The following MOB3B variants were observed in gnomAD, a reference collection of about 807,000 sequenced individuals.
MOB3B encodes MOB kinase activator 3B, also known as MOB kinase activator-like 2B.
MOB3B carries 7 observed loss-of-function variants against 18.7 expected under a neutral mutation model. That is an observed-to-expected ratio of 0.37 (90% confidence interval 0.21 to 0.70). MOB3B has a LOEUF of 0.70. MOB3B is among the 30% of genes least tolerant of loss of function. MOB3B has a pLI of 0.52. For synonymous variants in MOB3B, 111 were observed against 99.9 expected (o/e 1.11, Z -0.66); for missense variants, 253 against 281.3 (o/e 0.90, Z 0.72).
intron 2 of MOB3B, among the ~76,000 whole-genome samples, chr9:27,428,367 C>A (rs747396107): frequency 1.3e-5 from 2 of 152,248 alleles, no homozygotes; most frequent in South Asian, 2.1e-4. Flanking sequence ...CCAGGTAATG[C>A]TGATGCAAAT....
intron 2 of MOB3B, among the ~76,000 whole-genome samples, chr9:27,428,354 T>A (rs933669274): frequency 6.6e-6 from 1 of 152,162 alleles, no homozygotes; most frequent in Non-Finnish European, 1.5e-5. Context: ...TTTTAACAAT[T>A]TCCCAGGTAA....
At chr9:27,518,901 G>GAT (rs1280543778) in intron 1 of MOB3B, among the ~76,000 whole-genome samples, 1 of 152,192 alleles carries the variant, frequency 6.6e-6, no homozygotes, top group African/African-American at 2.4e-5. Flanking sequence ...AAGTGCCACA[G>GAT]ATACAAAACT....
At chr9:27,413,488 G>A (rs1363183254) in intron 2 of MOB3B, among the ~76,000 whole-genome samples, 3 of 152,190 alleles carry the variant, frequency 2.0e-5, no homozygotes, top group Non-Finnish European at 4.4e-5. Flanking sequence ...TTGCATTTTG[G>A]TTGCTGCACG....
intron 2 of MOB3B, among the ~76,000 whole-genome samples, chr9:27,446,467 G>A (rs936350568): frequency 1.3e-5 from 2 of 152,150 alleles, no homozygotes. Context: ...GCCAAGCAAC[G>A]CCAATCTCAT....
At chr9:27,524,662 G>C (rs940984004) in intron 1 of MOB3B, 4 of 1,614,032 alleles carry the variant, frequency 2.5e-6, no homozygotes, top group Non-Finnish European at 3.4e-6. Context: ...TGGAAAGAGA[G>C]ACACCTCAAA....
chr9:27,460,696 ACTC>A (rs1264059602), intron 1 of MOB3B, among the ~76,000 whole-genome samples: 1 of 151,820 alleles, frequency 6.6e-6, no homozygotes, highest in Non-Finnish European at 1.5e-5. Context: ...GAGGTGGAGG[ACTC>A]CTCCTGGCAG....
At chr9:27,410,564 T>C (rs1235154182) in intron 2 of MOB3B, among the ~76,000 whole-genome samples, 1 of 152,160 alleles carries the variant, frequency 6.6e-6, no homozygotes, top group Non-Finnish European at 1.5e-5. Context: ...TTTTGCATCT[T>C]TCTGGAGTTA....
intron 1 of MOB3B, among the ~76,000 whole-genome samples, chr9:27,515,510 T>A (rs1820218534): frequency 6.6e-6 from 1 of 152,202 alleles, no homozygotes; most frequent in Admixed American, 6.5e-5. Flanking sequence ...GCATAGTAAC[T>A]GTGAGAATTA....
intron 1 of MOB3B, among the ~76,000 whole-genome samples, chr9:27,482,355 T>C (rs1477900980): frequency 6.6e-6 from 1 of 152,062 alleles, no homozygotes; most frequent in African/African-American, 2.4e-5. Flanking sequence ...TTACACCAAG[T>C]CTCCTTTGGG....
At chr9:27,509,841 C>T (rs1820116336) in intron 1 of MOB3B, among the ~76,000 whole-genome samples, 1 of 152,222 alleles carries the variant, frequency 6.6e-6, no homozygotes, top group African/African-American at 2.4e-5. Flanking sequence ...CCTCCTGCCT[C>T]AGGCCCCTGA....
intron 2 of MOB3B, among the ~76,000 whole-genome samples, chr9:27,364,267 A>G (rs548703310): frequency 6.6e-6 from 1 of 152,172 alleles, no homozygotes; most frequent in Non-Finnish European, 1.5e-5. Flanking sequence ...GTGACCCAAC[A>G]TCAGGACCAT....
intron 1 of MOB3B, among the ~76,000 whole-genome samples, chr9:27,456,292 G>T (rs1822869485): frequency 6.6e-6 from 1 of 152,200 alleles, no homozygotes; most frequent in South Asian, 2.1e-4. Context: ...AACTGGGTCT[G>T]GTTGAATCTT....
At chr9:27,352,567 A>G (rs1230078572) in intron 3 of MOB3B, among the ~76,000 whole-genome samples, 2 of 152,156 alleles carry the variant, frequency 1.3e-5, no homozygotes, top group African/African-American at 2.4e-5. Context: ...AGGAGCAACA[A>G]TGAAAAGGAC....
At chr9:27,352,311 G>A (rs1013186119) in intron 3 of MOB3B, among the ~76,000 whole-genome samples, 1 of 150,142 alleles carries the variant, frequency 6.7e-6, no homozygotes, top group African/African-American at 2.5e-5. Flanking sequence ...AGCCCAGGAG[G>A]CTAGAGGATG....
At chr9:27,368,353 T>TACACACACAC (rs138287792) in intron 2 of MOB3B, among the ~76,000 whole-genome samples, 208 of 145,982 alleles carry the variant, frequency 1.4e-3, no homozygotes, top group South Asian at 2.5e-3. Flanking sequence ...CACACATACA[T>TACACACACAC]ACACACACAC....
intron 1 of MOB3B, among the ~76,000 whole-genome samples, chr9:27,471,266 T>C (rs554258267): frequency 6.6e-6 from 1 of 152,100 alleles, no homozygotes; most frequent in Non-Finnish European, 1.5e-5. Context: ...CTGAGGCGAA[T>C]AGGCAGGAGA....
intron 3 of MOB3B, among the ~76,000 whole-genome samples, chr9:27,342,913 C>G (rs950725709): frequency 3.3e-5 from 5 of 151,012 alleles, no homozygotes; most frequent in Non-Finnish European, 7.4e-5. Flanking sequence ...AGGAGCGTCT[C>G]TGCCTGGCCA....
At chr9:27,374,408 G>A (rs1394760363) in intron 2 of MOB3B, among the ~76,000 whole-genome samples, 1 of 152,034 alleles carries the variant, frequency 6.6e-6, no homozygotes, top group Non-Finnish European at 1.5e-5. Context: ...CATCCAGAAA[G>A]TACCCTCAAT....
intron 1 of MOB3B, among the ~76,000 whole-genome samples, chr9:27,462,766 C>T (rs754748221): frequency 3.3e-5 from 5 of 152,204 alleles, no homozygotes; most frequent in Non-Finnish European, 5.9e-5. Flanking sequence ...GAACTTGAGT[C>T]TCAAAGTCTG....
Sources: gnomAD v4.1 joint callset for allele counts (sites outside exome capture counted in the v4.1 genomes callset) on GRCh38, gnomAD v4.1.1 for gene constraint, MANE v1.5 for transcripts, NCBI Gene and HGNC (gene_info 2026-07-23, HGNC 2026-07-21) for gene names.